The following RALGAPA1 variants were observed in gnomAD, a reference collection of about 807,000 sequenced individuals.
RALGAPA1 encodes ral GTPase-activating protein subunit alpha-1.
A neutral mutation model predicts 269.6 loss-of-function variants in RALGAPA1; 52 were observed. The observed-to-expected ratio is 0.19, with a 90% CI of 0.15 to 0.24. The LOEUF (loss-of-function observed/expected upper bound fraction) is 0.24, where lower values mean the gene tolerates loss of function less well. Among genes scored for constraint, RALGAPA1 ranks in the 10% least tolerant of loss-of-function variants. RALGAPA1 has a pLI of 1.00. For missense variants in RALGAPA1, 1,917 were observed against 3,013.9 expected (o/e 0.64, Z 8.52); for synonymous variants, 817 against 1,008.3 (o/e 0.81, Z 3.60).
chr14:35,616,935 A>C (rs2060287338), intron 35 of RALGAPA1, among the ~76,000 whole-genome samples: 1 of 152,192 alleles, frequency 6.6e-6, no homozygotes, highest in Non-Finnish European at 1.5e-5. Context: ...TATGGAGAAC[A>C]ATCAGAATTG....
intron 4 of RALGAPA1, among the ~76,000 whole-genome samples, chr14:35,769,005 T>A: frequency 6.9e-5 from 2 of 28,916 alleles, no homozygotes; most frequent in Non-Finnish European, 4.9e-5. Flanking sequence ...CGAAACTCCG[T>A]CTCAAAAAAA....
At chr14:35,665,245 T>C (rs1164787588) in intron 26 of RALGAPA1, among the ~76,000 whole-genome samples, 2 of 152,206 alleles carry the variant, frequency 1.3e-5, no homozygotes, top group African/African-American at 2.4e-5. Flanking sequence ...AAGAAAAGCA[T>C]TGCCTATACC....
In RALGAPA1 at chr14:35,688,675, T is replaced by C. The variant is rs933268144; in HGVS notation, c.3736A>G (p.Ser1246Gly). 6.7e-6 allele frequency: 10 copies of C among 1,489,210 alleles called. No individual in the cohort carries two copies. The highest frequency in any genetic ancestry group is 6.6e-5 in the South Asian group (5 of 75,526). The allele number at this position is 1,489,210 out of a possible 1,614,324, so 92.2% of individuals were successfully genotyped here. Residue 1246 changes from serine (S) to glycine (G), a missense_variant, in exon 18 of 42, where the codon AGT becomes GGT. This residue lies in a region of RALGAPA1 where 615 missense variants were observed against 790.0 expected (regional missense o/e 0.78). Coordinates refer to ENST00000680220, the MANE Select transcript of RALGAPA1 (RefSeq NM_001346249.2). ...GTACTACGACTACCTAATTGACTACTTGCAATTCCTTCTTTTTGTAATATG... is the reference window on the plus strand; with the variant it reads ...GTACTACGACTACCTAATTGACTACCTGCAATTCCTTCTTTTTGTAATATG... ...TTILQKEGIA[S>G]SQLGSRSTLR...
chr14:35,731,371 C>CA (rs1393528887), intron 12 of RALGAPA1, among the ~76,000 whole-genome samples: 1 of 152,038 alleles, frequency 6.6e-6, no homozygotes, highest in East Asian at 1.9e-4. Context: ...GCAATGGATC[C>CA]AAACCAGGAA....
At position 35,789,411 on chromosome 14, in the gene RALGAPA1, C is replaced by T. The variant is rs573071955; in HGVS notation, c.107-13666G>A. Among the ~76,000 whole-genome samples, 36 of 151,762 alleles carry T rather than the reference C, an allele frequency of 2.4e-4. 1 individual carries two copies. The East Asian group carries it at 3.9e-3, about 16-fold the overall frequency. On this transcript the variant is annotated intron_variant, in intron 1 of 41. Transcript: ENST00000680220. ...GAGTTCAAGACCACCCTGGGCAACA[C>T]GGTGAAATCCCATTTCTACTAAAAA... is the stretch of plus-strand genomic sequence containing the variant.
chr14:35,733,417 C>CA (rs2070692297), intron 12 of RALGAPA1, among the ~76,000 whole-genome samples: 1 of 152,104 alleles, frequency 6.6e-6, no homozygotes, highest in Non-Finnish European at 1.5e-5. Flanking sequence ...GTGGAGTATG[C>CA]AGTGAGTTGA....
chr14:35,718,249 C>A (rs1406381192), intron 16 of RALGAPA1, among the ~76,000 whole-genome samples: 1 of 152,192 alleles, frequency 6.6e-6, no homozygotes, highest in East Asian at 1.9e-4. Flanking sequence ...GCTTTGTTCA[C>A]AACTATATCC....
intron 36 of RALGAPA1, among the ~76,000 whole-genome samples, chr14:35,599,709 G>T (rs1467305534): frequency 6.6e-6 from 1 of 152,122 alleles, no homozygotes; most frequent in African/African-American, 2.4e-5. Flanking sequence ...CCGAGATCAT[G>T]CCACTGCACT....
At chr14:35,727,537 G>T (rs978870883) in intron 13 of RALGAPA1, among the ~76,000 whole-genome samples, 36 of 151,130 alleles carry the variant, frequency 2.4e-4, no homozygotes, top group African/African-American at 8.5e-4. Context: ...TCCCCAAAAG[G>T]TCTATTTTTC....
At chr14:35,746,190 A>T (rs1007125906) in intron 10 of RALGAPA1, among the ~76,000 whole-genome samples, 5 of 152,204 alleles carry the variant, frequency 3.3e-5, no homozygotes, top group Non-Finnish European at 5.9e-5. Flanking sequence ...ATCTCACTTA[A>T]ATTTGCAATA....
At chr14:35,664,535 A>C in intron 27 of RALGAPA1, 107 bp downstream of exon 27, 1 of 893,876 alleles carries the variant, frequency 1.1e-6, no homozygotes, top group Non-Finnish European at 1.7e-6. Context: ...ATGTTCTTTA[A>C]CAATTGTGTG....
intron 31 of RALGAPA1, among the ~76,000 whole-genome samples, chr14:35,650,166 G>A (rs1468118038): frequency 6.6e-6 from 1 of 152,088 alleles, no homozygotes; most frequent in Non-Finnish European, 1.5e-5. Flanking sequence ...GGGGCCAGGA[G>A]TTTGAGACCG....
At position 35,553,014 on chromosome 14, in the gene RALGAPA1, A is replaced by C. The variant is rs2055172234; in HGVS notation, c.7497-3780T>G. Among the ~76,000 whole-genome samples, 3 of 152,164 alleles carry C rather than the reference A, an allele frequency of 2.0e-5. No individual in the cohort carries two copies. In the South Asian group the frequency reaches 6.2e-4, roughly 31 times the overall value. ...GACTGATCCTGGAAAGATAAGCATA[A>C]ATTTTCTGTGCCATAATTTATCTGT... On this transcript the variant is annotated intron_variant, in intron 39 of 41. Coordinates refer to ENST00000680220, the MANE Select transcript of RALGAPA1 (RefSeq NM_001346249.2).
chr14:35,742,166 T>A (rs2071616927), intron 11 of RALGAPA1, among the ~76,000 whole-genome samples: 1 of 152,226 alleles, frequency 6.6e-6, no homozygotes, highest in African/African-American at 2.4e-5. Flanking sequence ...CAATACTAAT[T>A]TTTAAAAGTT....
chr14:35,605,697 G>A lies in RALGAPA1; in HGVS notation c.6942C>T (p.His2314=). Residue 2314 remains histidine (H), a synonymous_variant, in exon 36 of 42, where the codon CAC becomes CAT. Coordinates refer to ENST00000680220, the MANE Select transcript of RALGAPA1 (RefSeq NM_001346249.2). ...NLDSRQCRET[H]KIAVFYVAEG... Reference sequence around the variant, plus strand: ...CAGCAACATAAAATACTGCAATCTTGTGTGTCTCTCGGCTATAAAACAAAA... The same window carrying A: ...CAGCAACATAAAATACTGCAATCTTATGTGTCTCTCGGCTATAAAACAAAA... 1 of 1,608,230 alleles carries A rather than the reference G, an allele frequency of 6.2e-7. No individual in the cohort carries two copies. The highest frequency in any genetic ancestry group is 8.5e-7 in the Non-Finnish European group (1 of 1,178,418).
At chr14:35,553,456 T>C (rs1033661887) in intron 39 of RALGAPA1, among the ~76,000 whole-genome samples, 1 of 152,182 alleles carries the variant, frequency 6.6e-6, no homozygotes, top group Non-Finnish European at 1.5e-5. Context: ...AAGGTAGATT[T>C]GGTTTTAAAG....
intron 35 of RALGAPA1, among the ~76,000 whole-genome samples, chr14:35,611,221 C>T (rs893565580): frequency 6.6e-6 from 1 of 151,970 alleles, no homozygotes; most frequent in Admixed American, 6.6e-5. Flanking sequence ...TGGGGCCGGG[C>T]ATGGTGGTTC....
At position 35,655,861 on chromosome 14, in the gene RALGAPA1, C is replaced by T; in HGVS notation, c.5442G>A (p.Glu1814=). 1 of 1,613,508 alleles carries T rather than the reference C, an allele frequency of 6.2e-7. No homozygotes were observed. Among genetic ancestry groups the T allele is most frequent in the Non-Finnish European group, 8.5e-7 (1 of 1,179,694 alleles). The change falls in exon 29 of 42, where the codon GAG becomes GAA. Residue 1814 remains glutamate, a synonymous_variant. Transcript: ENST00000680220. ...GIWICEELVH[E]SHHPQIKEAL... ...CTTCCTTAATTTGAGGATGATGAGACTCATGGACTAGTTCTTCACAAATCC... is the reference window on the plus strand; with the variant it reads ...CTTCCTTAATTTGAGGATGATGAGATTCATGGACTAGTTCTTCACAAATCC...
intron 39 of RALGAPA1, among the ~76,000 whole-genome samples, chr14:35,553,768 C>T (rs1021190144): frequency 3.9e-5 from 6 of 152,078 alleles, no homozygotes; most frequent in Non-Finnish European, 8.8e-5. Flanking sequence ...TGTATAATTG[C>T]TTATTTTCCT....
Sources: allele counts gnomAD v4.1 joint callset (sites outside exome capture counted in the v4.1 genomes callset), GRCh38; gene constraint gnomAD v4.1.1; regional missense constraint gnomAD v4.1.1; transcripts MANE v1.5; gene names NCBI Gene and HGNC (gene_info 2026-07-23, HGNC 2026-07-21).